Variants in GON4L observed in about 807,000 individuals in gnomAD.
GON4L encodes the protein gon-4 like.
In GON4L, 87 loss-of-function variants were observed where a neutral mutation model predicts 211.8. The observed-to-expected ratio is 0.41, with a 90% confidence interval of 0.35 to 0.49. GON4L has a LOEUF of 0.49. Ranked by LOEUF, GON4L falls within the 20% of genes least tolerant of loss-of-function variation. The probability of loss-of-function intolerance (pLI) is 0.15; values close to 1 mark genes in which losing one functional copy is unlikely to be tolerated. For missense variants in GON4L, 2,155 were observed against 2,659.5 expected (o/e 0.81, Z 4.17); for synonymous variants, 875 against 962.6 (o/e 0.91, Z 1.68).
chr1:155,765,903 G>A lies in GON4L; in HGVS notation c.3570C>T (p.Phe1190=), dbSNP rs1431628249. 1 of 1,614,092 alleles carries A rather than the reference G, an allele frequency of 6.2e-7. No individual in the cohort carries two copies. Among genetic ancestry groups the A allele is most frequent in the African/African-American group, 1.3e-5 (1 of 74,930 alleles). ...ITTLLVNPTS[F]PCPLNQSLVA... Reference sequence around the variant, plus strand: ...CAAGGGACTGGTTCAATGGACAGGGGAAGGAAGTAGGGTTAACCAAGAGGG... The same window carrying A: ...CAAGGGACTGGTTCAATGGACAGGGAAAGGAAGTAGGGTTAACCAAGAGGG... The change falls in exon 21 of 32, where the codon TTC becomes TTT. Residue 1190 remains phenylalanine, a synonymous_variant. Transcript: ENST00000368331.
At chr1:155,748,761 A>C (rs1660351917), downstream of GON4L, 1 of 1,613,944 alleles carries the variant, frequency 6.2e-7, no homozygotes, top group Non-Finnish European at 8.5e-7. Context: ...AGTGGTGCTG[A>C]GGGTATAGAC....
upstream of GON4L, among the ~76,000 whole-genome samples, chr1:155,857,864 T>G (rs992274783): frequency 6.6e-6 from 1 of 152,156 alleles, no homozygotes. Flanking sequence ...TGATTAAAAC[T>G]AAGGCACTCT....
intron 27 of GON4L, among the ~76,000 whole-genome samples, chr1:155,756,127 G>A (rs1661156597): frequency 6.6e-6 from 1 of 152,080 alleles, no homozygotes; most frequent in Non-Finnish European, 1.5e-5. Context: ...TATGTCTTCT[G>A]TAAAATGCAA....
chr1:155,825,175 TAAAGA>T (rs767375102), intron 3 of GON4L, among the ~76,000 whole-genome samples: 1 of 151,020 alleles, frequency 6.6e-6, no homozygotes, highest in Non-Finnish European at 1.5e-5. Flanking sequence ...AAAAAAAAAT[TAAAGA>T]AAAGAAAACA....
intron 24 of GON4L, among the ~76,000 whole-genome samples, chr1:155,758,771 C>T (rs1202223355): frequency 1.3e-5 from 2 of 151,990 alleles, no homozygotes; most frequent in Admixed American, 6.6e-5. Flanking sequence ...CCCTGCTACC[C>T]GGAAGGCTGA....
At chr1:155,832,693 A>T (rs1167805998) in intron 2 of GON4L, 1 of 152,256 alleles carries the variant, frequency 6.6e-6, no homozygotes, top group Non-Finnish European at 1.5e-5. Context: ...CAATTGTAAC[A>T]AAATGTCAAT....
intron 14 of GON4L, among the ~76,000 whole-genome samples, chr1:155,780,771 C>T (rs1189237689): frequency 1.3e-5 from 2 of 152,120 alleles, no homozygotes; most frequent in South Asian, 2.1e-4. Flanking sequence ...TGATTAAGCA[C>T]GTGCTGATAC....
chr1:155,816,773 T>TTAAAA (rs377228820), intron 6 of GON4L, among the ~76,000 whole-genome samples: 13 of 78,092 alleles, frequency 1.7e-4, no homozygotes, highest in East Asian at 8.2e-4. Context: ...TTTTTTTTCT[T>TTAAAA]AAAAAAAAAA....
chr1:155,817,386 G>C (rs932409958), intron 6 of GON4L, among the ~76,000 whole-genome samples: 2 of 152,122 alleles, frequency 1.3e-5, no homozygotes, highest in African/African-American at 4.8e-5. Context: ...CCAACCAAAA[G>C]CACCTTATGA....
At chr1:155,808,937 A>C (rs1482438468) in intron 10 of GON4L, among the ~76,000 whole-genome samples, 1 of 151,982 alleles carries the variant, frequency 6.6e-6, no homozygotes, top group African/African-American at 2.4e-5. Flanking sequence ...TTTTTTAAAA[A>C]AGTTCTCATA....
rs1040775649 is a variant in GON4L at position 155,838,362 on chromosome 1, C to G, written c.506-11334G>C. 2.0e-5 allele frequency among the ~76,000 whole-genome samples: 3 copies of G among 152,274 alleles called. No individual in the cohort carries two copies. The South Asian group carries it at 6.2e-4, about 32-fold the overall frequency. ...GTTGGCTCAATGAAAATAGCTGAAT[C>G]TTCTCAGTTACTGGCAAAATGCCCA... On this transcript the variant is annotated intron_variant, in intron 2 of 31. Coordinates refer to ENST00000368331, the MANE Select transcript of GON4L (RefSeq NM_001282860.2).
At chr1:155,856,754 A>G (rs1481528149) in intron 1 of GON4L, among the ~76,000 whole-genome samples, 2 of 152,108 alleles carry the variant, frequency 1.3e-5, no homozygotes, top group Non-Finnish European at 2.9e-5. Flanking sequence ...GAGATCAAAA[A>G]AAGGGGAAAA....
At chr1:155,852,688 A>G (rs1406491575) in intron 2 of GON4L, among the ~76,000 whole-genome samples, 1 of 152,178 alleles carries the variant, frequency 6.6e-6, no homozygotes, top group African/African-American at 2.4e-5. Flanking sequence ...GCTTGCAGTG[A>G]GCCGAGACCA....
At chr1:155,810,874 C>T (rs372784631) in intron 10 of GON4L, among the ~76,000 whole-genome samples, 1 of 151,220 alleles carries the variant, frequency 6.6e-6, no homozygotes, top group African/African-American at 2.4e-5. Context: ...AATTAGCTGG[C>T]GTAGTGGTGT....
At chr1:155,807,790 C>T (rs1667298790) in intron 10 of GON4L, among the ~76,000 whole-genome samples, 1 of 149,512 alleles carries the variant, frequency 6.7e-6, no homozygotes, top group African/African-American at 2.5e-5. Flanking sequence ...CTATTCTGGG[C>T]CTGTGCAATT....
Position 155,753,351 on chromosome 1 carries a change from G to A in GON4L, c.5695C>T (p.Arg1899Ter), listed in dbSNP as rs1660818197. 4 of 1,613,732 alleles carry A rather than the reference G, an allele frequency of 2.5e-6. No homozygotes were observed. The highest frequency in any genetic ancestry group is 1.3e-5 in the African/African-American group (1 of 74,980). ...PHELVGSSPH[R>*]EASPMPGAKE... ...GCACCAGGCATAGGACTAGCCTCTC[G>A]GTGGGGGCTGCTGCCCACCAACTCA... The change falls in exon 29 of 32, where the codon CGA (arginine) becomes TGA (stop). Residue 1899 changes from arginine (R) to a stop codon, truncating the protein, a stop_gained. Transcript: ENST00000368331. LOFTEE classifies it high-confidence loss of function.
rs769739154 is a variant in GON4L, at chr1:155,767,445, G to A, written c.2743C>T (p.Arg915Trp). ...TGTACCTTTAACCAGAATGGGAGCC[G>A]GTGTTCTTCTCTCTCTATAGGTGGC... ...WKPPIEREEH[R>W]LPFWLKASLP... Residue 915 changes from arginine (R) to tryptophan (W), a missense_variant, in exon 20 of 32, where the codon CGG becomes TGG. Coordinates refer to ENST00000368331, the MANE Select transcript of GON4L (RefSeq NM_001282860.2). 1.5e-5 allele frequency: 25 copies of A among 1,613,342 alleles called. No individual in the cohort carries two copies. The highest frequency in any genetic ancestry group is 1.3e-4 in the East Asian group (6 of 44,886).
At chr1:155,810,247 G>T (rs1267999489) in intron 10 of GON4L, among the ~76,000 whole-genome samples, 4 of 151,194 alleles carry the variant, frequency 2.6e-5, no homozygotes, top group African/African-American at 9.7e-5. Context: ...ACCCGCCTGG[G>T]CCTCTCAAAG....
At chr1:155,786,882 A>T (rs973835139) in intron 12 of GON4L, among the ~76,000 whole-genome samples, 1 of 151,748 alleles carries the variant, frequency 6.6e-6, no homozygotes, top group Non-Finnish European at 1.5e-5. Context: ...TGTTGGGATT[A>T]CAGGTGTGAG....
Sources: gnomAD v4.1 joint callset for allele counts (sites outside exome capture counted in the v4.1 genomes callset) on GRCh38, gnomAD v4.1.1 for gene constraint, MANE v1.5 for transcripts, NCBI Gene and HGNC (gene_info 2026-07-23, HGNC 2026-07-21) for gene names.